The following MGMT variants were observed in gnomAD, a reference collection of about 807,000 sequenced individuals.
The protein encoded by MGMT is methylated-DNA--protein-cysteine methyltransferase.
A neutral mutation model predicts 15.9 loss-of-function variants in MGMT; 14 were observed. The ratio of observed to expected loss-of-function variants is 0.88; its 90% CI spans 0.58 to 1.37. The LOEUF (loss-of-function observed/expected upper bound fraction) is 1.37. Ranked by LOEUF, MGMT falls within the 40% of genes most tolerant of loss-of-function variation. The pLI is 0.00. For missense variants in MGMT, 282 were observed against 268.1 expected (o/e 1.05, Z -0.36); for synonymous variants, 130 against 118.2 (o/e 1.10, Z -0.65).
chr10:129,506,416 T>C (rs570963545), intron 1 of MGMT, among the ~76,000 whole-genome samples: 4 of 152,278 alleles, frequency 2.6e-5, no homozygotes, highest in South Asian at 4.1e-4. Flanking sequence ...CATCACCCTA[T>C]GGCAAAAGAG....
At chr10:129,733,479 G>A (rs1185968773) in intron 3 of MGMT, among the ~76,000 whole-genome samples, 5 of 148,832 alleles carry the variant, frequency 3.4e-5, no homozygotes, top group African/African-American at 1.2e-4. Context: ...AGATGAGTAG[G>A]TTGCGAAAAT....
chr10:129,656,873 G>T (rs903796469), intron 2 of MGMT, among the ~76,000 whole-genome samples: 1 of 152,060 alleles, frequency 6.6e-6, no homozygotes, highest in African/African-American at 2.4e-5. Context: ...TAATTTGGGG[G>T]CCCCAAGGTT....
chr10:129,501,056 T>C (rs7098210), intron 1 of MGMT, among the ~76,000 whole-genome samples: 5,723 of 152,308 alleles, frequency 0.038, 164 homozygotes, highest in South Asian at 0.066. Context: ...CACTTCCTGG[T>C]GTCAGAGTCC....
chr10:129,594,946 C>T (rs761224047), intron 2 of MGMT, among the ~76,000 whole-genome samples: 22 of 152,182 alleles, frequency 1.4e-4, no homozygotes, highest in Admixed American at 5.2e-4. Flanking sequence ...TGGAGAAGAC[C>T]GCTCAGAGCT....
chr10:129,695,024 C>A (rs914511455), intron 2 of MGMT, among the ~76,000 whole-genome samples: 6 of 152,124 alleles, frequency 3.9e-5, no homozygotes, highest in African/African-American at 1.4e-4. Context: ...TACTCTATAT[C>A]CTTGCCAGAA....
intron 3 of MGMT, among the ~76,000 whole-genome samples, chr10:129,720,770 G>A (rs12573548): frequency 0.22 from 33,396 of 152,098 alleles, 4,423 homozygotes; most frequent in East Asian, 0.43. Flanking sequence ...GAATGAATAA[G>A]CAAAATGTCA....
chr10:129,724,532 CTG>C (rs1299598709), intron 3 of MGMT, among the ~76,000 whole-genome samples: 1 of 152,120 alleles, frequency 6.6e-6, no homozygotes, highest in African/African-American at 2.4e-5. Flanking sequence ...GTACATTTCA[CTG>C]TGTGTGTAAA....
rs548803314 is a variant in MGMT, at chr10:129,483,369, G to C, written c.-13+16073G>C. Among the ~76,000 whole-genome samples, 3 of 151,922 alleles carry C rather than the reference G, an allele frequency of 2.0e-5. No individual in the cohort carries two copies. In the East Asian group the frequency reaches 5.8e-4, roughly 29 times the overall value. On this transcript the variant is annotated intron_variant, in intron 1 of 4. Transcript: ENST00000651593. ...TGTTTTTTGAAATCCTCATTCCTTTGTGTAGATCCTAGTTTCCATTGAGTA... is the reference window on the plus strand; with the variant it reads ...TGTTTTTTGAAATCCTCATTCCTTTCTGTAGATCCTAGTTTCCATTGAGTA...
chr10:129,486,670 G>A (rs550004195), intron 1 of MGMT, among the ~76,000 whole-genome samples: 1 of 151,742 alleles, frequency 6.6e-6, no homozygotes, highest in East Asian at 1.9e-4. Context: ...CTCTGAAGAA[G>A]GACTGTTCAA....
At chr10:129,727,453 G>C (rs117095570) in intron 3 of MGMT, among the ~76,000 whole-genome samples, 3 of 152,322 alleles carry the variant, frequency 2.0e-5, no homozygotes, top group Admixed American at 2.0e-4. Context: ...TGCTGAGCCC[G>C]ACCCTTCTGA....
intron 1 of MGMT, among the ~76,000 whole-genome samples, chr10:129,513,967 G>C (rs141802479): frequency 3.3e-5 from 5 of 152,314 alleles, no homozygotes; most frequent in African/African-American, 1.2e-4. Context: ...TAGGTTCTTA[G>C]AGTTTAAAGA....
intron 3 of MGMT, among the ~76,000 whole-genome samples, chr10:129,720,381 C>T (rs191790879): frequency 2.6e-5 from 4 of 152,260 alleles, no homozygotes; most frequent in Middle Eastern, 3.4e-3. Flanking sequence ...GAGCCAGCCT[C>T]GGCCCCTCCT....
chr10:129,560,954 A>AGTGT (rs57984603), intron 2 of MGMT, among the ~76,000 whole-genome samples: 6,769 of 133,092 alleles, frequency 0.051, 160 homozygotes, highest in Middle Eastern at 0.083. Context: ...AGTAAAGAGC[A>AGTGT]GTGTGTGTGT....
At chr10:129,658,368 G>T (rs1268623672) in intron 2 of MGMT, among the ~76,000 whole-genome samples, 1 of 152,146 alleles carries the variant, frequency 6.6e-6, no homozygotes, top group Non-Finnish European at 1.5e-5. Flanking sequence ...TATAAAATAT[G>T]CATTGAGAGC....
intron 2 of MGMT, among the ~76,000 whole-genome samples, chr10:129,620,813 GT>G (rs1227886299): frequency 2.0e-5 from 3 of 152,100 alleles, no homozygotes; most frequent in Non-Finnish European, 4.4e-5. Flanking sequence ...ATAGGTATGG[GT>G]TTAGTCTGCC....
intron 1 of MGMT, among the ~76,000 whole-genome samples, chr10:129,479,762 G>T (rs559647794): frequency 1.3e-3 from 183 of 140,024 alleles, no homozygotes; most frequent in African/African-American, 4.4e-3. Flanking sequence ...TCCCTAAAGG[G>T]CCCTCTCCGT....
In MGMT at chr10:129,770,875, G is replaced by A. The variant is rs535337771; in HGVS notation, c.*3878G>A. On this transcript the variant is annotated 3_prime_UTR_variant, in exon 5 of 5. Coordinates refer to ENST00000651593, the MANE Select transcript of MGMT (RefSeq NM_002412.5). ...CCCGGAAACAGTCCAAGGCCCTGGG[G>A]TGGGGGATTTAAATTTTTGGCTTCC... Among the ~76,000 whole-genome samples, 2 of 42,372 alleles carry A rather than the reference G, an allele frequency of 4.7e-5. No individual in the cohort carries two copies. The highest frequency in any genetic ancestry group is 7.8e-5 in the Non-Finnish European group (2 of 25,630). 27.8% of individuals were successfully genotyped at this position (42,372 alleles called of 152,430 possible). A position where few individuals can be genotyped will look rare whatever the true frequency, so the allele number is the denominator to read the frequency against.
intron 2 of MGMT, among the ~76,000 whole-genome samples, chr10:129,550,338 C>A (rs181120524): frequency 5.0e-5 from 7 of 141,174 alleles, no homozygotes; most frequent in Admixed American, 2.2e-4. Context: ...CCAGCACCGG[C>A]ATGTTTCACA....
chr10:129,574,274 G>A (rs1846453904), intron 2 of MGMT, among the ~76,000 whole-genome samples: 1 of 152,136 alleles, frequency 6.6e-6, no homozygotes, highest in Non-Finnish European at 1.5e-5. Flanking sequence ...TGTTTTCACA[G>A]TAACTTTCAG....
Sources: allele counts gnomAD v4.1 joint callset (sites outside exome capture counted in the v4.1 genomes callset), GRCh38; gene constraint gnomAD v4.1.1; transcripts MANE v1.5; gene names NCBI Gene and HGNC (gene_info 2026-07-23, HGNC 2026-07-21).